The following KCNQ2 variants were observed in gnomAD, a reference collection of about 807,000 sequenced individuals.
KCNQ2 encodes potassium voltage-gated channel subfamily Q member 2.
A neutral mutation model predicts 84.8 loss-of-function variants in KCNQ2; 14 were observed. The observed-to-expected ratio is 0.17, with a 90% CI of 0.11 to 0.26. The LOEUF is 0.26. KCNQ2 is among the 10% of genes least tolerant of loss of function. The probability of loss-of-function intolerance (pLI) is 1.00; values close to 1 mark genes in which losing one functional copy is unlikely to be tolerated. For missense variants in KCNQ2, 788 were observed against 1,254.0 expected (o/e 0.63, Z 5.61); for synonymous variants, 599 against 554.1 (o/e 1.08, Z -1.14).
intron 4 of KCNQ2, among the ~76,000 whole-genome samples, chr20:63,443,424 T>C (rs948602778): frequency 0.17 from 6,211 of 36,632 alleles, 931 homozygotes; most frequent in African/African-American, 0.37. Flanking sequence ...ATCACCACCA[T>C]CATCACCATC....
chr20:63,428,570 T>C, intron 9 of KCNQ2, 135 bp from the exon 10 acceptor site: 4 of 753,782 alleles, frequency 5.3e-6, no homozygotes, highest in Non-Finnish European at 6.9e-6. Flanking sequence ...GGCCAGGCTT[T>C]CAGGCAGCTG....
intron 4 of KCNQ2, among the ~76,000 whole-genome samples, chr20:63,444,104 G>A (rs1444348281): frequency 6.6e-6 from 1 of 152,234 alleles, no homozygotes; most frequent in Admixed American, 6.5e-5. Context: ...GAAGAAAATG[G>A]GGAGGGGGCC....
intron 1 of KCNQ2, chr20:63,463,849 T>C (rs1006950179): frequency 6.6e-5 from 10 of 151,654 alleles, no homozygotes; most frequent in African/African-American, 2.4e-4. Flanking sequence ...ACGCCACAGA[T>C]ACAGAGGAAG....
chr20:63,467,569 C>A (rs1055054075), intron 1 of KCNQ2, among the ~76,000 whole-genome samples: 3 of 152,192 alleles, frequency 2.0e-5, no homozygotes. Flanking sequence ...CGTGCTCTTG[C>A]GAGCAGCTGC....
intron 11 of KCNQ2, among the ~76,000 whole-genome samples, chr20:63,421,020 G>T (rs959587256): frequency 1.2e-4 from 18 of 152,066 alleles, no homozygotes; most frequent in African/African-American, 4.3e-4. Context: ...GGCAGGCAAA[G>T]ACCTCAGACT....
chr20:63,419,892 T>C (rs1385768819), intron 11 of KCNQ2, among the ~76,000 whole-genome samples: 1 of 151,946 alleles, frequency 6.6e-6, no homozygotes, highest in East Asian at 1.9e-4. Context: ...CCTGTTTTTT[T>C]TTTCCTCCAA....
At chr20:63,471,642 G>GTGGGGGGGTCATGGGAGGGCCCC (rs1369618913) in intron 1 of KCNQ2, 3 of 153,130 alleles carry the variant, frequency 2.0e-5, no homozygotes, top group African/African-American at 7.2e-5. Context: ...CCGGGCTGGG[G>GTGGGGGGGTCATGGGAGGGCCCC]TGGGGGGGTC....
chr20:63,447,032 C>A (rs996276827), intron 1 of KCNQ2, among the ~76,000 whole-genome samples, 195 bp from the exon 2 acceptor site: 3 of 151,860 alleles, frequency 2.0e-5, no homozygotes, highest in Admixed American at 1.3e-4. Context: ...CCCATAGCCA[C>A]CTCCCGGGAC....
intron 1 of KCNQ2, among the ~76,000 whole-genome samples, chr20:63,447,707 G>A (rs1253529573): frequency 1.3e-5 from 2 of 152,096 alleles, no homozygotes; most frequent in Non-Finnish European, 1.5e-5. Context: ...CAATTCTCCC[G>A]CCTCAGCCTC....
At chr20:63,433,928 T>TGGCGAGGGGCAGGC (rs779930590) in intron 7 of KCNQ2, 25 bp from the exon 8 acceptor site, 14 of 1,608,532 alleles carry the variant, frequency 8.7e-6, no homozygotes, top group East Asian at 2.2e-5. Context: ...ACAAGGCAGT[T>TGGCGAGGGGCAGGC]GGCGAGGGGC....
intron 4 of KCNQ2, among the ~76,000 whole-genome samples, 170 bp from the exon 5 acceptor site, chr20:63,442,701 T>TCACCACCACCACCACCACCACCACCAC (rs1455961784): frequency 2.1e-5 from 1 of 48,070 alleles, no homozygotes; most frequent in Non-Finnish European, 4.2e-5. Context: ...ATCACCACCA[T>TCACCACCACCACCACCACCACCACCAC]CACCATCACC....
intron 3 of KCNQ2, among the ~76,000 whole-genome samples, 178 bp from the exon 4 acceptor site, chr20:63,445,012 T>C (rs1198319474): frequency 6.6e-6 from 1 of 152,190 alleles, no homozygotes; most frequent in Non-Finnish European, 1.5e-5. Flanking sequence ...ACCCTGCCTG[T>C]GGGGCCCAGG....
chr20:63,443,362 CACCAT>C (rs1568937408), intron 4 of KCNQ2, among the ~76,000 whole-genome samples: 8 of 119,682 alleles, frequency 6.7e-5, no homozygotes, highest in Non-Finnish European at 1.2e-4. Flanking sequence ...CCACCACCAT[CACCAT>C]CATCACCACC....
At chr20:63,413,118 A>T (rs1357215942) in intron 15 of KCNQ2, among the ~76,000 whole-genome samples, 1 of 152,178 alleles carries the variant, frequency 6.6e-6, no homozygotes, top group Non-Finnish European at 1.5e-5. Context: ...CCACACGTGC[A>T]TACAACCACA....
At chr20:63,442,851 T>G (rs868435946) in intron 4 of KCNQ2, among the ~76,000 whole-genome samples, 2 of 19,098 alleles carry the variant, frequency 1.0e-4, no homozygotes, top group African/African-American at 3.3e-4. Context: ...ACCATCACCA[T>G]CACCACCACC....
Position 63,472,330 on chromosome 20 carries a change from G to A in KCNQ2, c.134C>T (p.Ser45Phe). 1 of 1,537,506 alleles carries A rather than the reference G, an allele frequency of 6.5e-7. No individual in the cohort carries two copies. The highest frequency in any genetic ancestry group is 8.8e-7 in the Non-Finnish European group (1 of 1,142,544). ...GATGCTGCCGCGCTTGGGGGCCTCGGAGCCGGCGATCAGCAGCGCCCCGTC... is the reference window on the plus strand; with the variant it reads ...GATGCTGCCGCGCTTGGGGGCCTCGAAGCCGGCGATCAGCAGCGCCCCGTC... ...TRDGALLIAG[S>F]EAPKRGSILS... is the part of the protein sequence containing the mutation. The change falls in exon 1 of 17, where the codon TCC (serine) becomes TTC (phenylalanine). Residue 45 changes from serine to phenylalanine, a missense_variant. By Grantham distance (155) the Ser-to-Phe change is radical. Transcript: ENST00000359125.
intron 1 of KCNQ2, among the ~76,000 whole-genome samples, chr20:63,467,651 T>C (rs545709478): frequency 6.6e-6 from 1 of 152,354 alleles, no homozygotes; most frequent in East Asian, 1.9e-4. Context: ...CGGAGATCCA[T>C]AGATTCATTT....
chr20:63,412,077 GC>G lies in KCNQ2; in HGVS notation c.1763+1372del, dbSNP rs1390924557. ...AAGTCCTTCCCGTGTTTCAAGCAAA[GC>G]TTTTGACTCGGGAGCGGGTGGCGGG... On this transcript the variant is annotated intron_variant, in intron 15 of 16. Coordinates refer to ENST00000359125, the MANE Select transcript of KCNQ2 (RefSeq NM_172107.4). 7.2e-6 allele frequency: 4 copies of G among 551,838 alleles called. No individual in the cohort carries two copies. The African/African-American group carries it at 7.9e-5, about 11-fold the overall frequency. 34.2% of individuals were successfully genotyped at this position (551,838 alleles called of 1,614,324 possible).
chr20:63,413,645 C>A (rs987612059), intron 14 of KCNQ2, 64 bp from the exon 15 acceptor site: 126 of 1,597,998 alleles, frequency 7.9e-5, no homozygotes, highest in Non-Finnish European at 1.1e-4. Flanking sequence ...GGCACCAGGA[C>A]CTTCCTAGCA....
Sources: allele counts gnomAD v4.1 joint callset (sites outside exome capture counted in the v4.1 genomes callset), GRCh38; gene constraint gnomAD v4.1.1; transcripts MANE v1.5; gene names NCBI Gene and HGNC (gene_info 2026-07-23, HGNC 2026-07-21).